The following DMD variants were observed in gnomAD, a reference collection of about 807,000 sequenced individuals.
DMD encodes mutant dystrophin.
A neutral mutation model predicts 330.1 loss-of-function variants in DMD; 63 were observed. The observed-to-expected ratio is 0.19, with a 90% CI of 0.16 to 0.24. The LOEUF is 0.24. Among genes scored for constraint, DMD ranks in the 10% least tolerant of loss-of-function variants. The probability of loss-of-function intolerance (pLI) is 1.00; values close to 1 mark genes in which losing one functional copy is unlikely to be tolerated. For missense variants in DMD, 3,344 were observed against 2,684.1 expected (o/e 1.25, Z -5.43); for synonymous variants, 1,223 against 959.8 (o/e 1.27, Z -5.07).
rs555506267 is a variant in DMD at position 32,052,595 on chromosome X, A to G, written c.6439-84081T>C. On this transcript the variant is annotated intron_variant, in intron 44 of 78. Coordinates refer to ENST00000357033, the MANE Select transcript of DMD (RefSeq NM_004006.3). Reference sequence around the variant, plus strand: ...TACTATATGAAAACGTGGCATGAATATGACTTGACTAATCATACAAAAATC... The same window carrying G: ...TACTATATGAAAACGTGGCATGAATGTGACTTGACTAATCATACAAAAATC... 8.9e-5 allele frequency among the ~76,000 whole-genome samples: 10 copies of G among 111,734 alleles called. No individual in the cohort carries two copies. The South Asian group carries it at 3.7e-3, about 42-fold the overall frequency.
intron 2 of DMD, among the ~76,000 whole-genome samples, chrX:32,897,071 C>T (rs996819200): frequency 1.9e-5 from 2 of 103,823 alleles, no homozygotes; most frequent in Admixed American, 1.1e-4. Context: ...ATATTTTTTT[C>T]ATCAACGACT....
At chrX:32,819,744 G>T (rs922127155) in intron 5 of DMD, among the ~76,000 whole-genome samples, 1 of 107,754 alleles carries the variant, frequency 9.3e-6, no homozygotes, top group African/African-American at 3.4e-5. Flanking sequence ...CTCGTTATCT[G>T]ATAGATCTAG....
chrX:31,362,651 AC>A (rs1447234047), intron 60 of DMD, among the ~76,000 whole-genome samples: 4 of 113,124 alleles, frequency 3.5e-5, no homozygotes, highest in African/African-American at 9.6e-5. Context: ...AAGAAATAAA[AC>A]AACAGAGTAA....
At chrX:32,286,180 C>A (rs1210669453) in intron 43 of DMD, among the ~76,000 whole-genome samples, 1 of 111,047 alleles carries the variant, frequency 9.0e-6, no homozygotes, top group African/African-American at 3.3e-5. Context: ...GTGTGGGAGG[C>A]AGAAAAGTAA....
intron 50 of DMD, among the ~76,000 whole-genome samples, chrX:31,798,926 T>A (rs1016896020): frequency 1.7e-4 from 19 of 111,717 alleles, no homozygotes; most frequent in African/African-American, 5.2e-4. Flanking sequence ...GCTAGCTTTG[T>A]CTCTGGAACA....
At chrX:32,783,350 GTATA>G (rs201241741) in intron 7 of DMD, among the ~76,000 whole-genome samples, 6 of 96,848 alleles carry the variant, frequency 6.2e-5, no homozygotes, top group African/African-American at 2.3e-4. Context: ...CACATATATG[GTATA>G]TATATACACA....
intron 7 of DMD, among the ~76,000 whole-genome samples, chrX:32,783,349 G>GGT (rs1169483487): frequency 2.2e-5 from 2 of 91,604 alleles, no homozygotes; most frequent in Admixed American, 1.2e-4. Context: ...ACACATATAT[G>GGT]GTATATATAT....
At chrX:32,723,749 T>C (rs1368134225) in intron 7 of DMD, among the ~76,000 whole-genome samples, 1 of 110,909 alleles carries the variant, frequency 9.0e-6, no homozygotes, top group African/African-American at 3.3e-5. Context: ...TGTCTATGTA[T>C]ATCGTAACAT....
chrX:32,485,368 C>G (rs143321876), intron 20 of DMD, among the ~76,000 whole-genome samples: 5 of 110,438 alleles, frequency 4.5e-5, no homozygotes, highest in African/African-American at 1.6e-4. Context: ...GGTATGAATG[C>G]GTACAGTGGA....
At chrX:31,749,849 G>C (rs1389942104) in intron 51 of DMD, among the ~76,000 whole-genome samples, 4 of 105,938 alleles carry the variant, frequency 3.8e-5, no homozygotes, top group Non-Finnish European at 7.8e-5. Context: ...ACTGGTGTGA[G>C]ATGGTATCTC....
chrX:33,120,495 C>T (rs1274932886), intron 1 of DMD, among the ~76,000 whole-genome samples: 1 of 111,151 alleles, frequency 9.0e-6, no homozygotes, highest in Non-Finnish European at 1.9e-5. Flanking sequence ...GCATGGAACT[C>T]GGGTGGGGAA....
chrX:33,255,158 CTT>C (rs1666603989), intron 1 of DMD, among the ~76,000 whole-genome samples: 1 of 110,822 alleles, frequency 9.0e-6, no homozygotes, highest in Non-Finnish European at 1.9e-5. Flanking sequence ...TCAAGAAAAA[CTT>C]AAGACATTGA....
chrX:31,264,414 G>C (rs989875449), intron 62 of DMD, among the ~76,000 whole-genome samples: 11 of 112,238 alleles, frequency 9.8e-5, no homozygotes, highest in African/African-American at 3.6e-4. Flanking sequence ...GTACATCTTT[G>C]TTTGGCCTTT....
chrX:31,671,468 G>A lies in DMD; in HGVS notation c.7872+7907C>T, dbSNP rs138631731. 1.2e-3 allele frequency among the ~76,000 whole-genome samples: 133 copies of A among 111,907 alleles called. 3 individuals carry two copies. The highest frequency in any genetic ancestry group is 4.2e-3 in the African/African-American group (129 of 30,822). On this transcript the variant is annotated intron_variant, in intron 53 of 78. Transcript: ENST00000357033. ...ATTAGGTTTGATAATTTTTTGAGGC[G>A]TTTCAAGTCTATATTCATAAGGCAT...
chrX:32,717,825 T>A (rs757028748), intron 7 of DMD, among the ~76,000 whole-genome samples: 36 of 111,849 alleles, frequency 3.2e-4, no homozygotes, highest in South Asian at 2.6e-3. Context: ...TGCATCACTG[T>A]GGCTTGGATG....
intron 55 of DMD, among the ~76,000 whole-genome samples, chrX:31,581,533 C>G (rs2076340142): frequency 1.8e-5 from 2 of 111,543 alleles, no homozygotes; most frequent in Middle Eastern, 4.6e-3. Context: ...ATTATAATAA[C>G]TCTTCCTAAT....
Position 31,602,706 on chromosome X carries a change from T to G in DMD, c.8217+24967A>C, listed in dbSNP as rs918751352. Among the ~76,000 whole-genome samples the G allele has an allele frequency of 8.9e-5, 10 of 111,892 alleles. No homozygotes were observed. The Admixed American group carries it at 9.5e-4, about 11-fold the overall frequency. On this transcript the variant is annotated intron_variant, in intron 55 of 78. Transcript: ENST00000357033. ...ATGCTGAATCTGGAAGGGGGAGCAATTCAGTCCTATCTGACGGTTGTTCCT... is the reference window on the plus strand; with the variant it reads ...ATGCTGAATCTGGAAGGGGGAGCAAGTCAGTCCTATCTGACGGTTGTTCCT...
At chrX:33,053,396 C>A (rs1324514914) in intron 1 of DMD, among the ~76,000 whole-genome samples, 6 of 110,381 alleles carry the variant, frequency 5.4e-5, no homozygotes, top group Non-Finnish European at 1.1e-4. Flanking sequence ...GAGTTCGAGA[C>A]CAGCCTGGCC....
At position 33,025,855 on chromosome X, in the gene DMD, G is replaced by A. The variant is rs190374503; in HGVS notation, c.32-5655C>T. Among the ~76,000 whole-genome samples, 607 of 111,544 alleles carry A rather than the reference G, an allele frequency of 5.4e-3. 5 individuals are homozygous for A. The highest frequency in any genetic ancestry group is 0.018 in the African/African-American group (567 of 30,678). ...ACTACAGGCATGAGCCACCACATTC[G>A]GCCTAGAAAAACATTTTTTAAATGA... is the stretch of plus-strand genomic sequence containing the variant. On this transcript the variant is annotated intron_variant, in intron 1 of 78. Coordinates refer to ENST00000357033, the MANE Select transcript of DMD (RefSeq NM_004006.3).
Sources: gnomAD v4.1 joint callset for allele counts (sites outside exome capture counted in the v4.1 genomes callset) on GRCh38, gnomAD v4.1.1 for gene constraint, MANE v1.5 for transcripts, NCBI Gene and HGNC (gene_info 2026-07-23, HGNC 2026-07-21) for gene names.